PRKAA2: variants seen among roughly 807,000 people sequenced by gnomAD.
The protein encoded by PRKAA2 is 5'-AMP-activated protein kinase catalytic subunit alpha-2.
PRKAA2 carries 40 observed loss-of-function variants against 56.3 expected under a neutral mutation model. The observed-to-expected ratio is 0.71, with a 90% CI of 0.55 to 0.92. PRKAA2 has a LOEUF of 0.92. PRKAA2 is among the 40% of genes least tolerant of loss of function. The pLI is 0.00. For missense variants in PRKAA2, 542 were observed against 686.9 expected, an observed-to-expected ratio of 0.79 and a Z score of 2.36; for synonymous variants, 214 against 234.2, an observed-to-expected ratio of 0.91 and a Z score of 0.79.
At chr1:56,668,321 G>A (rs940877248) in intron 1 of PRKAA2, among the ~76,000 whole-genome samples, 4 of 150,600 alleles carry the variant, frequency 2.7e-5, no homozygotes, top group Admixed American at 2.0e-4. Flanking sequence ...GTTAGATGAC[G>A]AGTTAGTGGG....
In PRKAA2 at chr1:56,714,142, A is replaced by G. The variant is rs1433987823; in HGVS notation, c.*6429A>G. 1.3e-5 allele frequency: 2 copies of G among 152,120 alleles called. No homozygotes were observed. The highest frequency in any genetic ancestry group is 4.8e-5 in the African/African-American group (2 of 41,452). The allele number at this position is 152,120 out of a possible 1,614,324, so 9.4% of individuals were successfully genotyped here. On this transcript the variant is annotated 3_prime_UTR_variant, in exon 9 of 9. Coordinates refer to ENST00000371244, the MANE Select transcript of PRKAA2 (RefSeq NM_006252.4). ...AAACATAACATTTGGCTACCTTCTC[A>G]TGCTTTATAAATGAATTTGATGAAT...
rs892325467 is a variant in PRKAA2, at chr1:56,691,502, A to G, written c.330+15A>G. The G allele has an allele frequency of 4.5e-6, 7 of 1,556,442 alleles. No homozygotes were observed. Among genetic ancestry groups the G allele is most frequent in the Admixed American group, 3.4e-5 (2 of 58,500 alleles). ...AGCATGGACGGGTGAGTAACATACT[A>G]TCTGGTACACTAAATCTCTAAACTA... is the stretch of plus-strand genomic sequence containing the variant. On this transcript the variant is annotated intron_variant, in intron 3 of 8. Coordinates refer to ENST00000371244, the MANE Select transcript of PRKAA2 (RefSeq NM_006252.4).
chr1:56,704,523 A>G (rs759806564), intron 7 of PRKAA2, 48 bp downstream of exon 7: 18 of 1,529,386 alleles, frequency 1.2e-5, no homozygotes, highest in Non-Finnish European at 1.4e-5. Context: ...CCATTTTTCT[A>G]TATTATAAGC....
In PRKAA2 at chr1:56,666,026, T is replaced by C. The variant is rs542168024; in HGVS notation, c.95-8355T>C. On this transcript the variant is annotated intron_variant, in intron 1 of 8. Coordinates refer to ENST00000371244, the MANE Select transcript of PRKAA2 (RefSeq NM_006252.4). ...TTGGAATATATAGATAATAACTCTC[T>C]TTTGATAGGTGTTTGTTGGTTTGCT... 2.0e-5 allele frequency among the ~76,000 whole-genome samples: 3 copies of C among 152,360 alleles called. No homozygotes were observed. The East Asian group carries it at 5.8e-4, about 29-fold the overall frequency.
chr1:56,707,766 T>C lies in PRKAA2; in HGVS notation c.*53T>C. The C allele has an allele frequency of 6.9e-7, 1 of 1,440,026 alleles. No homozygotes were observed. Among genetic ancestry groups the C allele is most frequent in the African/African-American group, 1.4e-5 (1 of 70,092 alleles). The allele number at this position is 1,440,026 out of a possible 1,614,324, so 89.2% of individuals were successfully genotyped here. A position where few individuals can be genotyped will look rare whatever the true frequency, so the allele number is the denominator to read the frequency against. Reference sequence around the variant, plus strand: ...CACTATGAAAATCAGTTATATTCTTTAAATTTTTATCTTACTTTTGGATAA... The same window carrying C: ...CACTATGAAAATCAGTTATATTCTTCAAATTTTTATCTTACTTTTGGATAA... On this transcript the variant is annotated 3_prime_UTR_variant, in exon 9 of 9. Coordinates refer to ENST00000371244, the MANE Select transcript of PRKAA2 (RefSeq NM_006252.4).
intron 1 of PRKAA2, among the ~76,000 whole-genome samples, chr1:56,648,328 T>C (rs1459873381): frequency 6.6e-6 from 1 of 152,206 alleles, no homozygotes; most frequent in Non-Finnish European, 1.5e-5. Flanking sequence ...ATGTCATCTT[T>C]TGTGTCGAGC....
intron 1 of PRKAA2, 46 bp downstream of exon 1, chr1:56,645,527 G>A (rs1646632810): frequency 3.5e-6 from 5 of 1,421,638 alleles, no homozygotes; most frequent in Non-Finnish European, 4.7e-6. Context: ...CCTGACTTGC[G>A]GGAGGCCGAG....
chr1:56,686,480 A>G (rs568526282), intron 2 of PRKAA2, among the ~76,000 whole-genome samples: 1 of 152,286 alleles, frequency 6.6e-6, no homozygotes, highest in East Asian at 1.9e-4. Context: ...TAAAGAAAAG[A>G]GGTTTAATTG....
chr1:56,675,113 G>T (rs1385539835), intron 2 of PRKAA2, among the ~76,000 whole-genome samples: 1 of 151,926 alleles, frequency 6.6e-6, no homozygotes, highest in Non-Finnish European at 1.5e-5. Flanking sequence ...GTAATTGAAA[G>T]ATAAATAGAT....
chr1:56,706,430 G>A (rs1644332630), intron 8 of PRKAA2, among the ~76,000 whole-genome samples: 2 of 152,178 alleles, frequency 1.3e-5, no homozygotes, highest in South Asian at 4.1e-4. Context: ...TATCTCCGTG[G>A]CGTAAAAGAA....
intron 1 of PRKAA2, among the ~76,000 whole-genome samples, chr1:56,655,260 T>TTATATATA (rs1553146913): frequency 6.0e-4 from 43 of 71,720 alleles, no homozygotes; most frequent in African/African-American, 2.4e-3. Flanking sequence ...ATGTATGTAT[T>TTATATATA]TATATATCTA....
chr1:56,660,298 A>C (rs1643983857), intron 1 of PRKAA2, among the ~76,000 whole-genome samples: 1 of 152,236 alleles, frequency 6.6e-6, no homozygotes, highest in Non-Finnish European at 1.5e-5. Context: ...AGGATGTACA[A>C]GTTCATTCTC....
At chr1:56,664,876 A>ACACACACACACACACACC (rs1486813110) in intron 1 of PRKAA2, among the ~76,000 whole-genome samples, 3 of 146,098 alleles carry the variant, frequency 2.1e-5, no homozygotes, top group African/African-American at 7.7e-5. Context: ...ACACACACAC[A>ACACACACACACACACACC]CACACACACA....
rs1456847201 is a variant in PRKAA2, at chr1:56,710,948, T to C, written c.*3235T>C. 3 of 152,100 alleles carry C rather than the reference T, an allele frequency of 2.0e-5. No homozygotes were observed. The highest frequency in any genetic ancestry group is 4.4e-5 in the Non-Finnish European group (3 of 67,980). 9.4% of individuals were successfully genotyped at this position (152,100 alleles called of 1,614,324 possible). A position where few individuals can be genotyped will look rare whatever the true frequency, so the allele number is the denominator to read the frequency against. On this transcript the variant is annotated 3_prime_UTR_variant, in exon 9 of 9. Transcript: ENST00000371244. ...GAAGATCTAATTCCTTATGTTTCAG[T>C]GTAGGAACAGCTACCTTCTCAAATA...
rs762763141 is a variant in PRKAA2 at position 56,707,557 on chromosome 1, T to A, written c.1503T>A (p.Ser501Arg). Residue 501 changes from serine to arginine, a missense_variant, in exon 9 of 9, where the codon AGT becomes AGA. By Grantham distance (110) the Ser-to-Arg change is moderately radical. Transcript: ENST00000371244. Reference sequence around the variant, plus strand: ...CTGGCTTACACAGACCAAGATCAAGTTTTGATTCCACAACTGCAGAGAGCC... The same window carrying A: ...CTGGCTTACACAGACCAAGATCAAGATTTGATTCCACAACTGCAGAGAGCC... ...SAAGLHRPRSSFDSTTAESHS... is the reference protein window; with the variant it reads ...SAAGLHRPRSRFDSTTAESHS... 1 of 1,614,106 alleles carries A rather than the reference T, an allele frequency of 6.2e-7. No homozygotes were observed.
intron 8 of PRKAA2, among the ~76,000 whole-genome samples, 170 bp from the exon 9 acceptor site, chr1:56,707,305 A>G (rs1183355615): frequency 2.0e-5 from 3 of 152,130 alleles, no homozygotes; most frequent in Non-Finnish European, 4.4e-5. Context: ...GTTTGTTATG[A>G]TTGTTGGAAG....
intron 2 of PRKAA2, among the ~76,000 whole-genome samples, chr1:56,677,625 A>C (rs1201337711): frequency 6.6e-6 from 1 of 151,198 alleles, no homozygotes; most frequent in African/African-American, 2.4e-5. Context: ...TGCAATTGTC[A>C]TAATTGTCAT....
chr1:56,655,281 T>TATATATATATA (rs1553146924), intron 1 of PRKAA2, among the ~76,000 whole-genome samples: 420 of 76,992 alleles, frequency 5.5e-3, no homozygotes, highest in Non-Finnish European at 7.1e-3. Flanking sequence ...TATATATATA[T>TATATATATATA]TTTTTTTTTT....
intron 1 of PRKAA2, among the ~76,000 whole-genome samples, chr1:56,668,189 A>G (rs2796497): frequency 0.99 from 148,457 of 150,618 alleles, 73,165 homozygotes; most frequent in East Asian, 1. Flanking sequence ...TCTTTAGAGT[A>G]CACTCATAGG....
Sources: gnomAD v4.1 joint callset for allele counts (sites outside exome capture counted in the v4.1 genomes callset) on GRCh38, gnomAD v4.1.1 for gene constraint, MANE v1.5 for transcripts, NCBI Gene and HGNC (gene_info 2026-07-23, HGNC 2026-07-21) for gene names.